LRP1B: variants seen among roughly 807,000 people sequenced by gnomAD.
The protein encoded by LRP1B is low-density lipoprotein receptor-related protein 1B.
In LRP1B, 217 loss-of-function variants were observed where a neutral mutation model predicts 556.6. The ratio of observed to expected loss-of-function variants is 0.39; its 90% CI spans 0.35 to 0.44. LRP1B has a LOEUF of 0.44. LRP1B is among the 20% of genes least tolerant of loss of function. LRP1B has a pLI of 1.00. For missense variants in LRP1B, 5,053 were observed against 5,620.8 expected (o/e 0.90, Z 3.23); for synonymous variants, 2,047 against 1,865.8 (o/e 1.10, Z -2.50).
intron 22 of LRP1B, among the ~76,000 whole-genome samples, chr2:140,905,263 A>G (rs1694217700): frequency 6.6e-6 from 1 of 151,900 alleles, no homozygotes; most frequent in South Asian, 2.1e-4. Flanking sequence ...ACATACTAAC[A>G]GACTTGAACA....
chr2:141,610,617 A>C (rs554789132), intron 2 of LRP1B, among the ~76,000 whole-genome samples: 7 of 152,036 alleles, frequency 4.6e-5, no homozygotes, highest in Non-Finnish European at 7.4e-5. Flanking sequence ...CCTGCGCGTA[A>C]CCTCGTGGTA....
At chr2:141,241,060 T>C (rs1263983910) in intron 5 of LRP1B, among the ~76,000 whole-genome samples, 2 of 152,030 alleles carry the variant, frequency 1.3e-5, no homozygotes, top group Non-Finnish European at 2.9e-5. Context: ...AGAATATTCA[T>C]GAGGAGATTT....
At chr2:140,721,682 G>A (rs987135900) in intron 35 of LRP1B, among the ~76,000 whole-genome samples, 2 of 148,020 alleles carry the variant, frequency 1.4e-5, no homozygotes, top group Non-Finnish European at 3.0e-5. Context: ...TGAGTAGCTG[G>A]GAATACAGGC....
chr2:141,781,957 C>A (rs1695269363), intron 2 of LRP1B, among the ~76,000 whole-genome samples: 2 of 152,134 alleles, frequency 1.3e-5, no homozygotes, highest in African/African-American at 4.8e-5. Context: ...TTTTAGCTCT[C>A]TGAGCGACTA....
At chr2:141,539,973 C>T (rs1295410112) in intron 2 of LRP1B, among the ~76,000 whole-genome samples, 1 of 152,020 alleles carries the variant, frequency 6.6e-6, no homozygotes, top group Non-Finnish European at 1.5e-5. Context: ...TTCACCCAGA[C>T]AATGTATGTT....
intron 3 of LRP1B, among the ~76,000 whole-genome samples, chr2:141,367,039 A>C (rs1411521560): frequency 3.3e-5 from 5 of 152,196 alleles, no homozygotes; most frequent in Non-Finnish European, 7.3e-5. Flanking sequence ...ACTTGCCTGA[A>C]CCTTCATAAA....
chr2:141,759,266 A>T (rs1461163664), intron 2 of LRP1B, among the ~76,000 whole-genome samples: 3 of 152,172 alleles, frequency 2.0e-5, no homozygotes, highest in Non-Finnish European at 1.5e-5. Context: ...GAAGCTCTAA[A>T]CTCATTTGCA....
chr2:141,930,835 T>C (rs1259255324), intron 1 of LRP1B, among the ~76,000 whole-genome samples: 3 of 152,098 alleles, frequency 2.0e-5, no homozygotes, highest in Non-Finnish European at 2.9e-5. Context: ...AATCATTAGA[T>C]ACAGACTCCA....
intron 21 of LRP1B, among the ~76,000 whole-genome samples, chr2:140,917,531 C>G (rs1013787236): frequency 6.6e-6 from 1 of 152,106 alleles, no homozygotes; most frequent in African/African-American, 2.4e-5. Context: ...ACTACCAACC[C>G]GTGAAAAGGC....
chr2:142,103,489 C>T (rs1706638617), intron 1 of LRP1B, among the ~76,000 whole-genome samples: 1 of 151,766 alleles, frequency 6.6e-6, no homozygotes, highest in African/African-American at 2.4e-5. Flanking sequence ...CTAACTCTAA[C>T]CTTTATGTTC....
Position 140,342,252 on chromosome 2 carries a change from A to AG in LRP1B, c.11893-6415_11893-6414insC, listed in dbSNP as rs538045857. 2.6e-3 allele frequency among the ~76,000 whole-genome samples: 388 copies of AG among 151,564 alleles called. 2 individuals are homozygous for AG. Among genetic ancestry groups the AG allele is most frequent in the African/African-American group, 8.9e-3 (367 of 41,452 alleles). The stretch of plus-strand genomic sequence containing the variant: ...GTTAGGCAATATATAACTAGCAAAA[A>AG]AAAAAAACTTTGAAATTAAACTTTC... On this transcript the variant is annotated intron_variant, in intron 77 of 90. Coordinates refer to ENST00000389484, the MANE Select transcript of LRP1B (RefSeq NM_018557.3).
At chr2:140,401,020 C>G (rs376408794) in intron 66 of LRP1B, among the ~76,000 whole-genome samples, 1 of 152,284 alleles carries the variant, frequency 6.6e-6, no homozygotes, top group African/African-American at 2.4e-5. Context: ...TTAGATCTCA[C>G]AGGGAACTTC....
Position 140,457,447 on chromosome 2 carries a change from T to C in LRP1B, c.9814+16A>G, listed in dbSNP as rs1330977372. The C allele has an allele frequency of 6.3e-7, 1 of 1,575,136 alleles. No individual in the cohort carries two copies. Among genetic ancestry groups the C allele is most frequent in the South Asian group, 1.1e-5 (1 of 89,546 alleles). On this transcript the variant is annotated intron_variant, in intron 61 of 90. Coordinates refer to ENST00000389484, the MANE Select transcript of LRP1B (RefSeq NM_018557.3). ...GATGTTAATGCATTTATGGAAATCA[T>C]GGAAAGAATAATTACCATCAGGTTG...
chr2:140,438,073 C>G (rs1686264673), intron 66 of LRP1B, among the ~76,000 whole-genome samples: 1 of 152,128 alleles, frequency 6.6e-6, no homozygotes, highest in African/African-American at 2.4e-5. Context: ...GGCTACAGTA[C>G]AGGTGCAACC....
intron 25 of LRP1B, among the ~76,000 whole-genome samples, chr2:140,871,929 C>T (rs1009442965): frequency 6.6e-6 from 1 of 151,702 alleles, no homozygotes. Context: ...TTAAGGAGCT[C>T]AATGGTTAGA....
rs530405118 is a variant in LRP1B at position 140,558,713 on chromosome 2, G to A, written c.7195-16742C>T. Among the ~76,000 whole-genome samples, 267 of 151,934 alleles carry A rather than the reference G, an allele frequency of 1.8e-3. 3 individuals are homozygous for A. Among genetic ancestry groups the A allele is most frequent in the Admixed American group, 3.9e-3 (59 of 15,226 alleles). ...CAGCACTTTAGGAGGCCAAGGCGAG[G>A]GGATCACTTGAGCCCAAGAGTTTGA... On this transcript the variant is annotated intron_variant, in intron 43 of 90. Coordinates refer to ENST00000389484, the MANE Select transcript of LRP1B (RefSeq NM_018557.3).
chr2:140,354,004 T>C (rs1173304694), intron 75 of LRP1B, among the ~76,000 whole-genome samples: 1 of 152,128 alleles, frequency 6.6e-6, no homozygotes, highest in African/African-American at 2.4e-5. Context: ...ATTCATGTGA[T>C]TTAATCAGAG....
chr2:141,018,016 A>AG (rs1697957283), intron 12 of LRP1B, among the ~76,000 whole-genome samples: 1 of 144,674 alleles, frequency 6.9e-6, no homozygotes. Flanking sequence ...AAAAAAAAAA[A>AG]TTATGAAAGC....
intron 2 of LRP1B, among the ~76,000 whole-genome samples, chr2:141,775,161 C>G (rs142501352): frequency 3.9e-5 from 6 of 152,310 alleles, no homozygotes; most frequent in African/African-American, 1.4e-4. Context: ...AAAGAAGATT[C>G]CTGAGTATTG....
Sources: gnomAD v4.1 joint callset for allele counts (sites outside exome capture counted in the v4.1 genomes callset) on GRCh38, gnomAD v4.1.1 for gene constraint, MANE v1.5 for transcripts, NCBI Gene and HGNC (gene_info 2026-07-23, HGNC 2026-07-21) for gene names.